SYT16: variants seen among roughly 807,000 people sequenced by gnomAD.
SYT16 encodes synaptotagmin-16.
In SYT16, 42 loss-of-function variants were observed where a neutral mutation model predicts 61.4. The ratio of observed to expected loss-of-function variants is 0.68; its 90% CI spans 0.53 to 0.89. The LOEUF is 0.89. Ranked by LOEUF, SYT16 falls within the 40% of genes least tolerant of loss-of-function variation. The probability of loss-of-function intolerance (pLI) is 0.00; values close to 1 mark genes in which losing one functional copy is unlikely to be tolerated. For synonymous variants in SYT16, 314 were observed against 302.3 expected (o/e 1.04, Z -0.40); for missense variants, 804 against 807.3 (o/e 1.00, Z 0.05).
At chr14:61,946,038 A>G (rs1293097107) in intron 1 of SYT16, among the ~76,000 whole-genome samples, 2 of 152,074 alleles carry the variant, frequency 1.3e-5, no homozygotes, top group African/African-American at 4.8e-5. Context: ...GGAGGGGAAC[A>G]TCACACACCA....
At chr14:61,969,575 TATTA>T (rs1451617169) in intron 1 of SYT16, among the ~76,000 whole-genome samples, 2 of 152,234 alleles carry the variant, frequency 1.3e-5, no homozygotes, top group Admixed American at 6.5e-5. Flanking sequence ...TGGCATGAAT[TATTA>T]ATTTTCTTAT....
At chr14:61,955,713 C>T (rs149048955) in intron 1 of SYT16, among the ~76,000 whole-genome samples, 3 of 151,998 alleles carry the variant, frequency 2.0e-5, no homozygotes, top group East Asian at 3.9e-4. Context: ...AGGTTGATTC[C>T]GTATCTTGGC....
chr14:61,990,874 T>C (rs1485999840), intron 2 of SYT16, among the ~76,000 whole-genome samples: 4 of 152,210 alleles, frequency 2.6e-5, no homozygotes, highest in African/African-American at 7.2e-5. Context: ...ATAAAACATA[T>C]GGCTCAGGAA....
chr14:61,934,905 A>C (rs564914670), intron 1 of SYT16, among the ~76,000 whole-genome samples: 1 of 152,354 alleles, frequency 6.6e-6, no homozygotes, highest in Admixed American at 6.5e-5. Context: ...GCTTGGGTAC[A>C]TTATGGCAAT....
chr14:61,992,738 G>A (rs2052603202), intron 2 of SYT16, among the ~76,000 whole-genome samples: 1 of 152,032 alleles, frequency 6.6e-6, no homozygotes, highest in African/African-American at 2.4e-5. Flanking sequence ...GCATCCAGGG[G>A]TCGGGCAGGC....
At chr14:61,945,455 G>C (rs1253599643) in intron 1 of SYT16, among the ~76,000 whole-genome samples, 1 of 152,116 alleles carries the variant, frequency 6.6e-6, no homozygotes, top group Non-Finnish European at 1.5e-5. Context: ...TTGCAGCACT[G>C]TTCACAATAG....
At position 61,996,294 on chromosome 14, in the gene SYT16, C is replaced by G. The variant is rs932112028; in HGVS notation, c.275C>G (p.Ser92Ter). 1.2e-6 allele frequency: 2 copies of G among 1,613,496 alleles called. No homozygotes were observed. The highest frequency in any genetic ancestry group is 1.3e-5 in the African/African-American group (1 of 74,894). The change falls in exon 3 of 8, where the codon TCA (serine) becomes TGA (stop). Residue 92 changes from serine to a stop codon, truncating the protein, a stop_gained. Transcript: ENST00000683842. LOFTEE classifies it high-confidence loss of function. Reference sequence around the variant, plus strand: ...TTGTTTCTTGAAGTGGATCATTTCTCATGTTGTAATAGTGATTTGCAGGAC... The same window carrying G: ...TTGTTTCTTGAAGTGGATCATTTCTGATGTTGTAATAGTGATTTGCAGGAC... Reference protein sequence around the residue: ...NSLFLEVDHFSCCNSDLQDSA... With the variant: ...NSLFLEVDHF
intron 1 of SYT16, among the ~76,000 whole-genome samples, chr14:61,860,467 A>C (rs1193197935): frequency 6.6e-6 from 1 of 152,184 alleles, no homozygotes; most frequent in Non-Finnish European, 1.5e-5. Flanking sequence ...GTCATCTAGG[A>C]CTGCAGTGCA....
At position 62,081,149 on chromosome 14, in the gene SYT16, C is replaced by G. The variant is rs1243898841; in HGVS notation, c.1309C>G (p.Leu437Val). The change falls in exon 6 of 8, where the codon CTG becomes GTG. Residue 437 changes from leucine to valine, a missense_variant. Leu to Val is a conservative substitution (Grantham distance 32). Transcript: ENST00000683842. ...DVAACAVRFR[L>V]YAARKMTRER... ...GGCTGCCTGTGCTGTCCGCTTCCGC[C>G]TGTACGCTGCCCGGAAGATGACCCG... The G allele has an allele frequency of 6.2e-7, 1 of 1,613,852 alleles. No homozygotes were observed. Among genetic ancestry groups the G allele is most frequent in the African/African-American group, 1.3e-5 (1 of 74,930 alleles).
intron 1 of SYT16, among the ~76,000 whole-genome samples, chr14:61,869,743 T>G (rs1010882339): frequency 6.6e-6 from 1 of 152,174 alleles, no homozygotes; most frequent in African/African-American, 2.4e-5. Flanking sequence ...TTAGGGTCCT[T>G]ATAATAAGAG....
chr14:62,090,702 G>T (rs2057042050), intron 7 of SYT16, among the ~76,000 whole-genome samples: 1 of 152,096 alleles, frequency 6.6e-6, no homozygotes, highest in Non-Finnish European at 1.5e-5. Context: ...AATATTAAAA[G>T]CAATAGAAAA....
At chr14:61,832,100 A>C (rs1015877378) in intron 1 of SYT16, 9 of 731,428 alleles carry the variant, frequency 1.2e-5, no homozygotes, top group Non-Finnish European at 2.3e-5. Flanking sequence ...TCATCTCAGC[A>C]AAGCTCTCCT....
At chr14:62,080,723 C>A in intron 5 of SYT16, 111 bp from the exon 6 acceptor site, 2 of 1,058,896 alleles carry the variant, frequency 1.9e-6, no homozygotes, top group Non-Finnish European at 2.8e-6. Context: ...AGGGAATACA[C>A]TGGCAGTTAG....
intron 1 of SYT16, among the ~76,000 whole-genome samples, chr14:61,954,793 A>G (rs2050806546): frequency 1.3e-5 from 2 of 152,298 alleles, no homozygotes; most frequent in South Asian, 2.1e-4. Context: ...GGTGTTACAC[A>G]TTAATTGTAG....
chr14:61,822,011 G>T (rs961028020), intron 1 of SYT16, among the ~76,000 whole-genome samples: 3 of 152,136 alleles, frequency 2.0e-5, no homozygotes, highest in Non-Finnish European at 2.9e-5. Context: ...TGGCTAACAC[G>T]ATCACAAAGG....
At chr14:62,018,537 C>G (rs1460478844) in intron 3 of SYT16, among the ~76,000 whole-genome samples, 1 of 151,968 alleles carries the variant, frequency 6.6e-6, no homozygotes, top group Non-Finnish European at 1.5e-5. Flanking sequence ...GAACTCCTGA[C>G]CTCAGGTGAT....
At chr14:61,920,067 T>TA (rs762293298) in intron 1 of SYT16, among the ~76,000 whole-genome samples, 77 of 152,322 alleles carry the variant, frequency 5.1e-4, no homozygotes, top group Non-Finnish European at 5.1e-4. Context: ...CCCCCCGACA[T>TA]ACACACATTG....
chr14:62,081,215 C>G lies in SYT16; in HGVS notation c.1375C>G (p.Leu459Val), dbSNP rs532553445. 4.3e-6 allele frequency: 7 copies of G among 1,613,970 alleles called. No individual in the cohort carries two copies. The African/African-American group carries it at 8.0e-5, about 18-fold the overall frequency. ...MGEKLFYLSHLHPEGEMKVTL... is the reference protein window; with the variant it reads ...MGEKLFYLSHVHPEGEMKVTL... ...AGAGAAACTATTCTATCTCAGCCAC[C>G]TGCACCCAGAAGGGGAAATGAAAGT... The change falls in exon 6 of 8, where the codon CTG becomes GTG. Residue 459 changes from leucine (L) to valine (V), a missense_variant. By Grantham distance (32) the Leu-to-Val change is conservative. Transcript: ENST00000683842.
intron 1 of SYT16, among the ~76,000 whole-genome samples, chr14:61,894,580 T>C (rs1401328213): frequency 6.6e-6 from 1 of 152,152 alleles, no homozygotes; most frequent in East Asian, 1.9e-4. Flanking sequence ...ATTCATAGGC[T>C]GTGAGATGGA....
Sources: gnomAD v4.1 joint callset for allele counts (sites outside exome capture counted in the v4.1 genomes callset) on GRCh38, gnomAD v4.1.1 for gene constraint, MANE v1.5 for transcripts, NCBI Gene and HGNC (gene_info 2026-07-23, HGNC 2026-07-21) for gene names.